The following MACROD2 variants were observed in gnomAD, a reference collection of about 807,000 sequenced individuals.
MACROD2 encodes ADP-ribose glycohydrolase MACROD2.
In MACROD2, 36 loss-of-function variants were observed where a neutral mutation model predicts 70.4. The observed-to-expected ratio is 0.51, with a 90% confidence interval of 0.39 to 0.68. The LOEUF is 0.68. Ranked by LOEUF, MACROD2 falls within the 30% of genes least tolerant of loss-of-function variation. The pLI is 0.00. For missense variants in MACROD2, 496 were observed against 538.4 expected, an observed-to-expected ratio of 0.92 and a Z score of 0.78; for synonymous variants, 172 against 178.8, an observed-to-expected ratio of 0.96 and a Z score of 0.30.
chr20:15,021,801 C>A (rs951150082), intron 5 of MACROD2: 1 of 151,996 alleles, frequency 6.6e-6, no homozygotes, highest in Admixed American at 6.6e-5. Flanking sequence ...ACTCATAGAG[C>A]TATGTAACAT....
chr20:15,536,225 A>G (rs571626792), intron 8 of MACROD2, among the ~76,000 whole-genome samples: 33 of 152,318 alleles, frequency 2.2e-4, no homozygotes, highest in Non-Finnish European at 3.7e-4. Context: ...GCAGTTGTTG[A>G]TAAAGACATG....
chr20:14,994,648 G>A (rs371800932), intron 5 of MACROD2, among the ~76,000 whole-genome samples: 12 of 152,010 alleles, frequency 7.9e-5, no homozygotes, highest in East Asian at 1.9e-4. Flanking sequence ...AGAGAAATAC[G>A]AAAATGAATA....
At chr20:15,504,121 G>A (rs536620739) in intron 8 of MACROD2, among the ~76,000 whole-genome samples, 136 of 152,152 alleles carry the variant, frequency 8.9e-4, no homozygotes, top group African/African-American at 3.1e-3. Flanking sequence ...ATAAATCACC[G>A]CCAGCTGGTG....
chr20:14,409,668 T>C (rs1280212070), intron 3 of MACROD2, among the ~76,000 whole-genome samples: 1 of 152,154 alleles, frequency 6.6e-6, no homozygotes, highest in African/African-American at 2.4e-5. Flanking sequence ...ATATTTCATC[T>C]GGTTGGGCCA....
chr20:15,801,461 T>A (rs2063725725), intron 8 of MACROD2, among the ~76,000 whole-genome samples: 1 of 148,684 alleles, frequency 6.7e-6, no homozygotes, highest in African/African-American at 2.5e-5. Context: ...CAGAATGCTT[T>A]AATAAATTAA....
chr20:15,356,566 T>G (rs768957951), intron 6 of MACROD2, among the ~76,000 whole-genome samples: 4 of 151,764 alleles, frequency 2.6e-5, no homozygotes, highest in Non-Finnish European at 5.9e-5. Context: ...GCAGATCACT[T>G]GAGGTCAGGA....
intron 3 of MACROD2, among the ~76,000 whole-genome samples, chr20:14,267,138 T>A (rs989513968): frequency 2.0e-4 from 30 of 152,108 alleles, no homozygotes; most frequent in African/African-American, 7.2e-4. Context: ...AGAAGTTATG[T>A]TAGTGGCCCT....
At chr20:15,342,449 T>C (rs145478531) in intron 6 of MACROD2, among the ~76,000 whole-genome samples, 81 of 152,256 alleles carry the variant, frequency 5.3e-4, no homozygotes, top group African/African-American at 1.9e-3. Context: ...ATGGAATCTC[T>C]AGGGTCAGCA....
intron 10 of MACROD2, among the ~76,000 whole-genome samples, chr20:15,900,521 A>G (rs556893437): frequency 6.6e-6 from 1 of 152,292 alleles, no homozygotes; most frequent in African/African-American, 2.4e-5. Context: ...CATTAAACAG[A>G]CCACAGAGTC....
intron 7 of MACROD2, among the ~76,000 whole-genome samples, chr20:15,481,936 G>A (rs1039408372): frequency 2.6e-5 from 4 of 151,832 alleles, no homozygotes; most frequent in Admixed American, 6.6e-5. Context: ...CTTTTTCTAC[G>A]GAAGTCTTTA....
At chr20:14,486,179 A>G (rs1472575930) in intron 3 of MACROD2, among the ~76,000 whole-genome samples, 1 of 152,214 alleles carries the variant, frequency 6.6e-6, no homozygotes, top group Non-Finnish European at 1.5e-5. Context: ...CACTTGAGGC[A>G]CAAAGAGACA....
chr20:14,818,868 G>T (rs564280469), intron 5 of MACROD2, among the ~76,000 whole-genome samples: 17 of 132,078 alleles, frequency 1.3e-4, no homozygotes, highest in African/African-American at 5.0e-4. Context: ...GGAGATAGAG[G>T]TGGCTGCTGT....
chr20:15,193,788 G>C (rs1393543152), intron 5 of MACROD2, among the ~76,000 whole-genome samples: 3 of 151,960 alleles, frequency 2.0e-5, no homozygotes, highest in Admixed American at 2.0e-4. Context: ...TCTCTTGGTG[G>C]TTATGTACAA....
intron 4 of MACROD2, among the ~76,000 whole-genome samples, chr20:14,506,830 A>G (rs1048733276): frequency 6.6e-6 from 1 of 152,166 alleles, no homozygotes. Context: ...ACGTGCCTGC[A>G]GTCCCAGCTA....
intron 8 of MACROD2, among the ~76,000 whole-genome samples, chr20:15,824,947 A>G (rs2063980825): frequency 6.6e-6 from 1 of 152,326 alleles, no homozygotes; most frequent in South Asian, 2.1e-4. Flanking sequence ...AAAAAGGTAC[A>G]TAACTGTGGA....
intron 8 of MACROD2, 63 bp downstream of exon 8, chr20:15,499,910 C>CA: frequency 6.2e-6 from 9 of 1,455,130 alleles, no homozygotes; most frequent in Non-Finnish European, 8.7e-6. Flanking sequence ...CAGTTCCCCC[C>CA]AAAAAAGCAC....
chr20:14,929,081 A>C (rs2074267492), intron 5 of MACROD2, among the ~76,000 whole-genome samples: 1 of 152,166 alleles, frequency 6.6e-6, no homozygotes, highest in Non-Finnish European at 1.5e-5. Flanking sequence ...AAAGGAAAAC[A>C]TTTCTCTACT....
intron 3 of MACROD2, among the ~76,000 whole-genome samples, chr20:14,229,421 A>G (rs991080124): frequency 6.6e-6 from 1 of 152,376 alleles, no homozygotes; most frequent in African/African-American, 2.4e-5. Flanking sequence ...AGATTTGAAC[A>G]GATACTTCAC....
chr20:15,951,001 C>T (rs2065896029), intron 12 of MACROD2, among the ~76,000 whole-genome samples: 2 of 152,100 alleles, frequency 1.3e-5, no homozygotes, highest in African/African-American at 4.8e-5. Context: ...GAAACCATTC[C>T]ACATCCCATC....
Sources: gnomAD v4.1 joint callset for allele counts (sites outside exome capture counted in the v4.1 genomes callset) on GRCh38, gnomAD v4.1.1 for gene constraint, MANE v1.5 for transcripts, NCBI Gene and HGNC (gene_info 2026-07-23, HGNC 2026-07-21) for gene names.